The following TLE6 variants were observed in gnomAD, a reference collection of about 807,000 sequenced individuals.
TLE6 encodes TLE family member 6, subcortical maternal complex member, also known as transducin-like enhancer protein 6.
Under a neutral mutation model 77.1 loss-of-function variants are expected in TLE6, and 72 were observed. The ratio of observed to expected loss-of-function variants is 0.93; its 90% CI spans 0.77 to 1.14. The LOEUF is 1.14. TLE6 is among the 50% of genes most tolerant of loss of function. The pLI, the probability that TLE6 is intolerant of heterozygous loss-of-function variation, is 0.00. For missense variants in TLE6, 843 were observed against 747.6 expected (o/e 1.13, Z -1.49); for synonymous variants, 366 against 287.3 (o/e 1.27, Z -2.77).
At chr19:2,980,528 G>C (rs2088776414) in intron 3 of TLE6, 1 of 184,068 alleles carries the variant, frequency 5.4e-6, no homozygotes, top group African/African-American at 2.5e-5. Context: ...TTGAGGTCAG[G>C]AGATCAAGAT....
At position 2,989,137 on chromosome 19, in the gene TLE6, G is replaced by A. The variant is rs201705289; in HGVS notation, c.817G>A (p.Val273Ile). Residue 273 changes from valine to isoleucine, a missense_variant, in exon 12 of 17, where the codon GTC (valine) becomes ATC (isoleucine). Coordinates refer to ENST00000246112, the MANE Select transcript of TLE6 (RefSeq NM_001143986.2). ...GCCCGGGCAGTCAAAGAGACTCGCC[G>A]TCCCGTGCAAACTGGAAAAGATGCG... Reference protein sequence around the residue: ...ALPGQSKRLAVPCKLEKMRIL... With the variant: ...ALPGQSKRLAIPCKLEKMRIL... 17 of 1,614,134 alleles carry A rather than the reference G, an allele frequency of 1.1e-5. No individual in the cohort carries two copies. The highest frequency in any genetic ancestry group is 8.3e-5 in the Admixed American group (5 of 60,016).
chr19:2,989,817 C>T (rs1204115866), intron 13 of TLE6, 32 bp downstream of exon 13: 4 of 1,607,386 alleles, frequency 2.5e-6, no homozygotes, highest in Non-Finnish European at 2.6e-6. Flanking sequence ...GGGAAGCATC[C>T]TGTGCCAGCC....
rs1364176357 is a variant in TLE6, at chr19:2,993,541, A to G, written c.1496A>G (p.Gln499Arg). 3 of 1,589,426 alleles carry G rather than the reference A, an allele frequency of 1.9e-6. No homozygotes were observed. Among genetic ancestry groups the G allele is most frequent in the Non-Finnish European group, 2.6e-6 (3 of 1,161,412 alleles). The change falls in exon 15 of 17, where the codon CAA (glutamine) becomes CGA (arginine). Residue 499 changes from glutamine (Q) to arginine (R), a missense_variant. By Grantham distance (43) the Gln-to-Arg change is conservative. Transcript: ENST00000246112. ...GGGAGCCAGCGGCACATGGTGGGGC[A>G]AAAAGACAGCGTCATCCTGAGCGTC... The part of the protein sequence containing the change: ...TSGSQRHMVG[Q>R]KDSVILSVKF...
rs768744711 is a variant in TLE6, at chr19:2,993,613, C to G, written c.1537+31C>G. On this transcript the variant is annotated intron_variant, in intron 15 of 16. Transcript: ENST00000246112. ...CGGCTGGCGGAAGATGAGGGGACTCCCCTGCAGCCCCCAGCCTCCCACAAG... is the reference window on the plus strand; with the variant it reads ...CGGCTGGCGGAAGATGAGGGGACTCGCCTGCAGCCCCCAGCCTCCCACAAG... 5.2e-6 allele frequency: 8 copies of G among 1,529,494 alleles called. 1 individual carries two copies. In the South Asian group the frequency reaches 1.0e-4, roughly 19 times the overall value. 94.7% of individuals were successfully genotyped at this position (1,529,494 alleles called of 1,614,324 possible).
At chr19:2,983,444 G>T (rs2043831006) in intron 5 of TLE6, among the ~76,000 whole-genome samples, 1 of 152,070 alleles carries the variant, frequency 6.6e-6, no homozygotes, top group African/African-American at 2.4e-5. Flanking sequence ...ATGCGAGAAG[G>T]TGACATCTGA....
At chr19:2,984,399 G>C (rs888452289) in intron 5 of TLE6, 3 of 140,998 alleles carry the variant, frequency 2.1e-5, no homozygotes, top group Non-Finnish European at 4.6e-5. Context: ...TCCCTCCGCC[G>C]TCCTGCTAAG....
At chr19:2,989,827 C>A in intron 13 of TLE6, 42 bp downstream of exon 13, 4 of 1,603,528 alleles carry the variant, frequency 2.5e-6, no homozygotes, top group Non-Finnish European at 3.4e-6. Flanking sequence ...CTGTGCCAGC[C>A]TCCTGTGGCC....
chr19:2,982,628 C>A (rs2088823035), intron 5 of TLE6, among the ~76,000 whole-genome samples: 1 of 150,858 alleles, frequency 6.6e-6, no homozygotes, highest in Non-Finnish European at 1.5e-5. Context: ...GTGGGAAGGA[C>A]TTGGGCTTTG....
Position 2,995,080 on chromosome 19 carries a change from T to C in TLE6, c.*76T>C, listed in dbSNP as rs1353111035. 4.3e-6 allele frequency: 4 copies of C among 926,018 alleles called. No homozygotes were observed. Among genetic ancestry groups the C allele is most frequent in the Non-Finnish European group, 6.7e-6 (4 of 601,346 alleles). 57.4% of individuals were successfully genotyped at this position (926,018 alleles called of 1,614,324 possible). Reference sequence around the variant, plus strand: ...TTCCCCCCCCCCAACAAGGGGGACATGGTGGAGGGAAGCGGGAAGGCTCTT... The same window carrying C: ...TTCCCCCCCCCCAACAAGGGGGACACGGTGGAGGGAAGCGGGAAGGCTCTT... On this transcript the variant is annotated 3_prime_UTR_variant, in exon 17 of 17. Transcript: ENST00000246112.
chr19:2,986,177 CACACG>C, intron 5 of TLE6, among the ~76,000 whole-genome samples: 1 of 147,812 alleles, frequency 6.8e-6, no homozygotes, highest in Admixed American at 6.8e-5. Context: ...CTTTGGGAGG[CACACG>C]TGGGAGGATA....
At chr19:2,984,347 C>CA (rs982015685) in intron 5 of TLE6, 5 of 151,356 alleles carry the variant, frequency 3.3e-5, no homozygotes, top group African/African-American at 1.2e-4. Context: ...GAGTCCCCCC[C>CA]CCCCCGCGGG....
rs1158204473 is a variant in TLE6, at chr19:2,985,399, C to CTTTTTTTTTT, written c.223-1418_223-1409dup. ...GGTATGCTGTTTTGCTGCTTGAAGCCTTTTTTTTTTTTTTTTTTTTTGAGA... is the reference window on the plus strand; with the variant it reads ...GGTATGCTGTTTTGCTGCTTGAAGCCTTTTTTTTTTTTTTTTTTTTTTTTTTTTTTTGAGA... On this transcript the variant is annotated intron_variant, in intron 5 of 16. Transcript: ENST00000246112. Among the ~76,000 whole-genome samples, 26 of 90,000 alleles carry CTTTTTTTTTT rather than the reference C, an allele frequency of 2.9e-4. 1 individual carries two copies. Among genetic ancestry groups the CTTTTTTTTTT allele is most frequent in the African/African-American group, 1.1e-3 (22 of 20,338 alleles). 59.0% of individuals were successfully genotyped at this position (90,000 alleles called of 152,430 possible).
Position 2,989,530 on chromosome 19 carries a change from C to G in TLE6, c.994-5C>G. The G allele has an allele frequency of 1.2e-6, 2 of 1,609,892 alleles. No homozygotes were observed. The highest frequency in any genetic ancestry group is 2.7e-5 in the African/African-American group (2 of 74,978). ...GACAGCTCACAGTGACTCTGCCCAT[C>G]CCAGACCCCTGGGGCCTTCCTGCGC... On this transcript the variant is annotated splice_region_variant and splice_polypyrimidine_tract_variant and intron_variant, in intron 12 of 16. Coordinates refer to ENST00000246112, the MANE Select transcript of TLE6 (RefSeq NM_001143986.2).
Position 2,989,158 on chromosome 19 carries a change from A to G in TLE6, c.838A>G (p.Met280Val). Residue 280 changes from methionine to valine, a missense_variant, in exon 12 of 17, where the codon ATG becomes GTG. Transcript: ENST00000246112. ...RLAVPCKLEK[M>V]RILAHGELVL... Reference sequence around the variant, plus strand: ...CGCCGTCCCGTGCAAACTGGAAAAGATGCGGATCTTGGCACACGGGGAGCT... The same window carrying G: ...CGCCGTCCCGTGCAAACTGGAAAAGGTGCGGATCTTGGCACACGGGGAGCT... 6 of 1,614,144 alleles carry G rather than the reference A, an allele frequency of 3.7e-6. No individual in the cohort carries two copies. The highest frequency in any genetic ancestry group is 5.1e-6 in the Non-Finnish European group (6 of 1,180,052).
At chr19:2,986,682 C>G in intron 5 of TLE6, 147 bp from the exon 6 acceptor site, 1 of 819,006 alleles carries the variant, frequency 1.2e-6, no homozygotes, top group Non-Finnish European at 1.9e-6. Context: ...CCACTGCACT[C>G]CAGCTTGGGT....
rs749763013 is a variant in TLE6 at position 2,994,075 on chromosome 19, G to A, written c.1594G>A (p.Ala532Thr). The change falls in exon 16 of 17, where the codon GCG (alanine) becomes ACG (threonine). Residue 532 changes from alanine to threonine, a missense_variant. Transcript: ENST00000246112. The part of the protein sequence containing the change: ...DDFLGVYSMP[A>T]GTKVFEVPEM... ...CTTCCTTGGCGTCTACAGCATGCCG[G>A]CGGGGACAAAAGTGTTCGAGGTACT... 6.2e-7 allele frequency: 1 copy of A among 1,606,188 alleles called. No individual in the cohort carries two copies. Among genetic ancestry groups the A allele is most frequent in the Non-Finnish European group, 8.5e-7 (1 of 1,177,244 alleles).
chr19:2,991,004 T>A (rs1412393886), intron 13 of TLE6, among the ~76,000 whole-genome samples: 2 of 133,038 alleles, frequency 1.5e-5, no homozygotes, highest in African/African-American at 6.5e-5. Context: ...CAAAAAAAAA[T>A]TTTACATACA....
At chr19:2,978,990 C>T (rs1366385459) in intron 2 of TLE6, among the ~76,000 whole-genome samples, 1 of 152,116 alleles carries the variant, frequency 6.6e-6, no homozygotes, top group Non-Finnish European at 1.5e-5. Context: ...GTCTCACACT[C>T]ACCTCGGCTG....
At chr19:2,990,378 A>C (rs1023406294) in intron 13 of TLE6, among the ~76,000 whole-genome samples, 2 of 151,132 alleles carry the variant, frequency 1.3e-5, no homozygotes, top group African/African-American at 4.8e-5. Flanking sequence ...CGAGGCAGGC[A>C]GATCCACGAG....
Sources: allele counts gnomAD v4.1 joint callset (sites outside exome capture counted in the v4.1 genomes callset), GRCh38; gene constraint gnomAD v4.1.1; transcripts MANE v1.5; gene names NCBI Gene and HGNC (gene_info 2026-07-23, HGNC 2026-07-21).